PDHX: variants seen among roughly 807,000 people sequenced by gnomAD.
PDHX encodes pyruvate dehydrogenase protein X component, mitochondrial.
PDHX carries 33 observed loss-of-function variants against 55.3 expected under a neutral mutation model. The observed-to-expected ratio is 0.60, with a 90% confidence interval of 0.45 to 0.80. PDHX has a LOEUF of 0.80. Among genes scored for constraint, PDHX ranks in the 30% least tolerant of loss-of-function variants. PDHX has a pLI of 0.00. For missense variants in PDHX, 622 were observed against 619.9 expected (o/e 1.00, Z -0.04); for synonymous variants, 226 against 219.4 (o/e 1.03, Z -0.27).
intron 1 of PDHX, among the ~76,000 whole-genome samples, chr11:34,918,956 T>C (rs1039625539): frequency 6.6e-6 from 1 of 152,248 alleles, no homozygotes; most frequent in Non-Finnish European, 1.5e-5. Context: ...TGTGATTACA[T>C]TGGGCTCATC....
chr11:34,950,263 T>G (rs1186423469), intron 3 of PDHX, among the ~76,000 whole-genome samples: 1 of 151,982 alleles, frequency 6.6e-6, no homozygotes, highest in Non-Finnish European at 1.5e-5. Flanking sequence ...CGTGATATTT[T>G]TAATTGAGAA....
At chr11:34,969,687 A>G (rs1452799418) in intron 6 of PDHX, among the ~76,000 whole-genome samples, 1 of 152,086 alleles carries the variant, frequency 6.6e-6, no homozygotes, top group East Asian at 1.9e-4. Context: ...AAAGCTGCTT[A>G]CAGATGGTGT....
intron 4 of PDHX, among the ~76,000 whole-genome samples, chr11:34,959,473 T>A (rs969965329): frequency 6.6e-6 from 1 of 152,024 alleles, no homozygotes; most frequent in African/African-American, 2.4e-5. Context: ...ATGGATAATT[T>A]GGAACCCTTG....
At chr11:34,916,842 C>T (rs371875951) in intron 1 of PDHX, 27 bp downstream of exon 1, 50 of 1,546,450 alleles carry the variant, frequency 3.2e-5, no homozygotes, top group Non-Finnish European at 4.2e-5. Context: ...CGCTCAGCTT[C>T]TCTGTGTAGC....
At chr11:34,965,721 A>G (rs1171085857) in intron 5 of PDHX, among the ~76,000 whole-genome samples, 1 of 151,920 alleles carries the variant, frequency 6.6e-6, no homozygotes, top group Non-Finnish European at 1.5e-5. Context: ...TATGCTCAAC[A>G]GGTGCTAGCT....
At chr11:34,951,131 A>G (rs926451473) in intron 3 of PDHX, among the ~76,000 whole-genome samples, 2 of 134,094 alleles carry the variant, frequency 1.5e-5, no homozygotes, top group Non-Finnish European at 1.5e-5. Context: ...ATCTCGGCTC[A>G]CTGCAAGCTC....
chr11:34,989,388 G>T (rs1410535281), intron 9 of PDHX, among the ~76,000 whole-genome samples: 1 of 152,172 alleles, frequency 6.6e-6, no homozygotes, highest in African/African-American at 2.4e-5. Context: ...AGAAAAAAAG[G>T]GTTAAGAAAG....
chr11:34,992,528 C>T, intron 10 of PDHX, 149 bp downstream of exon 10: 1 of 586,616 alleles, frequency 1.7e-6, no homozygotes, highest in Non-Finnish European at 3.0e-6. Flanking sequence ...TGAAAAAATT[C>T]TTCAGACTAG....
At chr11:34,942,385 A>C (rs1475690797) in intron 2 of PDHX, among the ~76,000 whole-genome samples, 1 of 152,254 alleles carries the variant, frequency 6.6e-6, no homozygotes, top group Non-Finnish European at 1.5e-5. Flanking sequence ...ATGTATGTGA[A>C]GCATTAACAC....
rs373493962 is a variant in PDHX, at chr11:34,966,592, A to G, written c.642-48A>G. 23 of 1,563,876 alleles carry G rather than the reference A, an allele frequency of 1.5e-5. No individual in the cohort carries two copies. In the Admixed American group the frequency reaches 1.5e-4, roughly 10 times the overall value. On this transcript the variant is annotated intron_variant, in intron 5 of 10. Transcript: ENST00000227868. ...ACCTGCGTTTTCTGAAAGTTCTGTT[A>G]TATTCCTTATTGCTAATTATGGTTA...
Position 34,916,856 on chromosome 11 carries a change from G to A in PDHX, c.160+41G>A, listed in dbSNP as rs371864120. 2.0e-5 allele frequency: 30 copies of A among 1,528,174 alleles called. No homozygotes were observed. In the East Asian group the frequency reaches 3.2e-4, roughly 16 times the overall value. 94.7% of individuals were successfully genotyped at this position (1,528,174 alleles called of 1,614,324 possible). On this transcript the variant is annotated intron_variant, in intron 1 of 10. Coordinates refer to ENST00000227868, the MANE Select transcript of PDHX (RefSeq NM_003477.3). The stretch of plus-strand genomic sequence containing the variant: ...TCGCTCAGCTTCTCTGTGTAGCTGA[G>A]TGATGGGCCTGGGACAGGGGCAGTT...
chr11:34,918,694 C>G (rs1157136223), intron 1 of PDHX, among the ~76,000 whole-genome samples: 1 of 152,166 alleles, frequency 6.6e-6, no homozygotes, highest in African/African-American at 2.4e-5. Context: ...TAAAACAACA[C>G]AAATTCACAT....
At chr11:34,978,597 C>A (rs912299439) in intron 8 of PDHX, among the ~76,000 whole-genome samples, 1 of 152,002 alleles carries the variant, frequency 6.6e-6, no homozygotes, top group Admixed American at 6.6e-5. Flanking sequence ...TCTGACAAGG[C>A]GATAATTTAG....
At chr11:34,925,503 ACAAAAG>A (rs1357663300) in intron 1 of PDHX, among the ~76,000 whole-genome samples, 1 of 152,218 alleles carries the variant, frequency 6.6e-6, no homozygotes, top group Non-Finnish European at 1.5e-5. Context: ...CTTAAAATTA[ACAAAAG>A]CAAACAGCAC....
chr11:34,983,079 C>T (rs576751064), intron 8 of PDHX, among the ~76,000 whole-genome samples: 4 of 152,218 alleles, frequency 2.6e-5, no homozygotes, highest in African/African-American at 9.6e-5. Flanking sequence ...TCCACCACGA[C>T]GAAGTTGGCT....
intron 1 of PDHX, among the ~76,000 whole-genome samples, chr11:34,920,295 CAT>C (rs1413826496): frequency 6.6e-6 from 1 of 152,044 alleles, no homozygotes; most frequent in African/African-American, 2.4e-5. Context: ...TGAAGAATAA[CAT>C]GTTGAATTTA....
At chr11:34,974,545 G>C (rs1018836705) in intron 7 of PDHX, among the ~76,000 whole-genome samples, 1 of 152,140 alleles carries the variant, frequency 6.6e-6, no homozygotes, top group African/African-American at 2.4e-5. Flanking sequence ...GGAATTACTG[G>C]ATTATATGAT....
chr11:34,940,168 A>T (rs1854438489), intron 2 of PDHX, among the ~76,000 whole-genome samples: 3 of 152,242 alleles, frequency 2.0e-5, no homozygotes, highest in Admixed American at 2.0e-4. Context: ...ACTATGGAAC[A>T]AAACCAGGCT....
intron 1 of PDHX, among the ~76,000 whole-genome samples, chr11:34,917,136 C>T (rs547902146): frequency 1.3e-5 from 2 of 152,228 alleles, no homozygotes; most frequent in Middle Eastern, 3.4e-3. Context: ...AATCAAGGCT[C>T]AGGTTTCTTT....
Sources: gnomAD v4.1 joint callset for allele counts (sites outside exome capture counted in the v4.1 genomes callset) on GRCh38, gnomAD v4.1.1 for gene constraint, MANE v1.5 for transcripts, NCBI Gene and HGNC (gene_info 2026-07-23, HGNC 2026-07-21) for gene names.